Variants in MYO5B observed in about 807,000 individuals in gnomAD.
MYO5B encodes the protein unconventional myosin-Vb.
MYO5B carries 143 observed loss-of-function variants against 229.3 expected under a neutral mutation model. The ratio of observed to expected loss-of-function variants is 0.62; its 90% CI spans 0.54 to 0.72. MYO5B has a LOEUF of 0.72. Ranked by LOEUF, MYO5B falls within the 30% of genes least tolerant of loss-of-function variation. The probability of loss-of-function intolerance (pLI) is 0.00; values close to 1 mark genes in which losing one functional copy is unlikely to be tolerated. For synonymous variants in MYO5B, 918 were observed against 885.2 expected (o/e 1.04, Z -0.66); for missense variants, 2,321 against 2,331.0 (o/e 1.00, Z 0.09).
intron 4 of MYO5B, among the ~76,000 whole-genome samples, chr18:50,011,677 T>C (rs1453096666): frequency 6.6e-6 from 1 of 151,926 alleles, no homozygotes; most frequent in Non-Finnish European, 1.5e-5. Context: ...AATTTTTTTC[T>C]AATCCACCCC....
chr18:49,944,920 T>C (rs1393185523), intron 14 of MYO5B, among the ~76,000 whole-genome samples: 7 of 152,198 alleles, frequency 4.6e-5, no homozygotes, highest in African/African-American at 7.2e-5. Flanking sequence ...GAAATGTACC[T>C]TGAAAGCAAC....
At chr18:49,861,077 G>A (rs1250516720) in intron 29 of MYO5B, among the ~76,000 whole-genome samples, 2 of 152,232 alleles carry the variant, frequency 1.3e-5, no homozygotes, top group Non-Finnish European at 2.9e-5. Context: ...AGCACCTGGT[G>A]CAGCACACAC....
chr18:50,180,066 A>T (rs2033050951), intron 1 of MYO5B, among the ~76,000 whole-genome samples: 1 of 152,154 alleles, frequency 6.6e-6, no homozygotes, highest in Non-Finnish European at 1.5e-5. Context: ...AAGATTCCTA[A>T]GGGCCTTCTC....
chr18:50,099,564 G>T (rs1000765889), intron 1 of MYO5B, among the ~76,000 whole-genome samples: 2 of 152,154 alleles, frequency 1.3e-5, no homozygotes, highest in African/African-American at 4.8e-5. Context: ...GATTCTTGGG[G>T]TTCTACTACC....
chr18:49,927,991 A>G (rs1025786405), intron 17 of MYO5B, among the ~76,000 whole-genome samples: 1 of 152,066 alleles, frequency 6.6e-6, no homozygotes, highest in Non-Finnish European at 1.5e-5. Context: ...CAATCTATAC[A>G]TCCAACAAAG....
intron 21 of MYO5B, among the ~76,000 whole-genome samples, chr18:49,900,549 A>C (rs1052930404): frequency 6.6e-6 from 1 of 152,200 alleles, no homozygotes; most frequent in African/African-American, 2.4e-5. Context: ...TCTCTGCACC[A>C]CTTTTGGGCT....
chr18:50,045,206 T>C (rs2030189571), intron 2 of MYO5B, among the ~76,000 whole-genome samples: 1 of 152,186 alleles, frequency 6.6e-6, no homozygotes. Context: ...AATTTCGTTG[T>C]AAGCAATTTG....
chr18:50,000,021 G>C (rs1167169862), intron 5 of MYO5B, among the ~76,000 whole-genome samples: 4 of 152,236 alleles, frequency 2.6e-5, no homozygotes, highest in Non-Finnish European at 5.9e-5. Context: ...TGAACACGTT[G>C]TATCCTGTTA....
chr18:50,051,149 T>C (rs1378371351), intron 2 of MYO5B, among the ~76,000 whole-genome samples: 1 of 152,222 alleles, frequency 6.6e-6, no homozygotes, highest in African/African-American at 2.4e-5. Flanking sequence ...AAATAGTAAA[T>C]GTTTAACAAT....
intron 39 of MYO5B, among the ~76,000 whole-genome samples, chr18:49,833,834 C>T (rs1598818009): frequency 6.6e-6 from 1 of 152,168 alleles, no homozygotes; most frequent in Non-Finnish European, 1.5e-5. Flanking sequence ...TATGAGCATC[C>T]TAACTGGATC....
chr18:50,103,686 A>G (rs1416468686), intron 1 of MYO5B, among the ~76,000 whole-genome samples: 2 of 152,220 alleles, frequency 1.3e-5, no homozygotes, highest in African/African-American at 4.8e-5. Flanking sequence ...GGCTGCAGTG[A>G]GCTATGATTA....
intron 2 of MYO5B, among the ~76,000 whole-genome samples, chr18:50,054,675 C>T (rs1316207684): frequency 2.0e-5 from 3 of 152,078 alleles, no homozygotes; most frequent in East Asian, 1.9e-4. Context: ...AAAGAAACAG[C>T]CTGAAGGTCA....
chr18:50,183,323 A>ATATAATATATATATAT (rs1568136353), intron 1 of MYO5B, among the ~76,000 whole-genome samples: 1 of 138,830 alleles, frequency 7.2e-6, no homozygotes, highest in African/African-American at 2.9e-5. Context: ...ATATATATAT[A>ATATAATATATATATAT]TATATATATA....
In MYO5B at chr18:50,052,537, A is replaced by G. The variant is rs1265239051; in HGVS notation, c.138+2731T>C. On this transcript the variant is annotated intron_variant, in intron 2 of 39. Coordinates refer to ENST00000285039, the MANE Select transcript of MYO5B (RefSeq NM_001080467.3). The stretch of plus-strand genomic sequence containing the variant: ...ACATGGACACGGGAAGGGGAACATC[A>G]CACTCTGGGGACTGTTGTGGGGTGG... Among the ~76,000 whole-genome samples the G allele has an allele frequency of 3.3e-5, 4 of 120,548 alleles. 1 individual carries two copies. The highest frequency in any genetic ancestry group is 1.0e-4 in the Admixed American group (1 of 9,854). The allele number at this position is 120,548 out of a possible 152,430, so 79.1% of individuals were successfully genotyped here.
chr18:49,878,879 A>G lies in MYO5B; in HGVS notation c.3276+66T>C. On this transcript the variant is annotated intron_variant, in intron 24 of 39. Transcript: ENST00000285039. ...ATATCAGAAAGCAGTGCCTGAGATC[A>G]CGTGGTCAGAAGCTGGACAGGAGCC... is the stretch of plus-strand genomic sequence containing the variant. 1.9e-6 allele frequency: 3 copies of G among 1,577,030 alleles called. No individual in the cohort carries two copies. In the South Asian group the frequency reaches 3.3e-5, roughly 18 times the overall value.
intron 31 of MYO5B, among the ~76,000 whole-genome samples, chr18:49,852,923 A>G (rs1385622746): frequency 1.3e-5 from 2 of 152,110 alleles, no homozygotes; most frequent in Middle Eastern, 3.2e-3. Flanking sequence ...CTACTGACCA[A>G]TCTGCAAGCT....
intron 14 of MYO5B, among the ~76,000 whole-genome samples, chr18:49,941,406 T>A (rs1231723011): frequency 2.0e-5 from 3 of 152,174 alleles, no homozygotes; most frequent in Admixed American, 6.5e-5. Flanking sequence ...AATGCTACCA[T>A]ATTTCTGAGC....
At chr18:49,990,327 G>T (rs1209249291) in intron 7 of MYO5B, 112 bp downstream of exon 7, 1 of 868,954 alleles carries the variant, frequency 1.2e-6, no homozygotes, top group Non-Finnish European at 1.9e-6. Context: ...CCACATAAGA[G>T]GCAGAGCCGA....
intron 1 of MYO5B, among the ~76,000 whole-genome samples, chr18:50,067,250 C>T (rs2030843620): frequency 1.3e-5 from 2 of 152,154 alleles, no homozygotes; most frequent in African/African-American, 4.8e-5. Flanking sequence ...ACTGTGAAAA[C>T]CATTTGAGGA....
Sources: allele counts gnomAD v4.1 joint callset (sites outside exome capture counted in the v4.1 genomes callset), GRCh38; gene constraint gnomAD v4.1.1; transcripts MANE v1.5; gene names NCBI Gene and HGNC (gene_info 2026-07-23, HGNC 2026-07-21).